SOX5: variants seen among roughly 807,000 people sequenced by gnomAD.
The protein encoded by SOX5 is transcription factor SOX-5.
A neutral mutation model predicts 92.0 loss-of-function variants in SOX5; 9 were observed. That is an observed-to-expected ratio of 0.10 (90% CI 0.06 to 0.17). The LOEUF is 0.17. Ranked by LOEUF, SOX5 falls within the 10% of genes least tolerant of loss-of-function variation. SOX5 has a pLI of 1.00. For missense variants in SOX5, 642 were observed against 944.5 expected, an observed-to-expected ratio of 0.68 and a Z score of 4.20; for synonymous variants, 344 against 336.3, an observed-to-expected ratio of 1.02 and a Z score of -0.25.
At chr12:23,998,229 C>T (rs1430022764) in intron 4 of SOX5, among the ~76,000 whole-genome samples, 1 of 151,836 alleles carries the variant, frequency 6.6e-6, no homozygotes, top group African/African-American at 2.4e-5. Context: ...ATCAAACATA[C>T]ATCAATACAA....
chr12:24,223,408 T>C (rs1462099542), intron 3 of SOX5: 1 of 152,158 alleles, frequency 6.6e-6, no homozygotes, highest in Non-Finnish European at 1.5e-5. Flanking sequence ...TATCTCAAGA[T>C]TTCTTATTAA....
At chr12:23,803,077 T>C (rs1200319787) in intron 3 of SOX5, among the ~76,000 whole-genome samples, 1 of 152,220 alleles carries the variant, frequency 6.6e-6, no homozygotes. Context: ...AGAATTAGCT[T>C]CTCTACAAGA....
chr12:24,553,042 A>G (rs1432682052), intron 1 of SOX5, among the ~76,000 whole-genome samples: 1 of 152,194 alleles, frequency 6.6e-6, no homozygotes, highest in African/African-American at 2.4e-5. Flanking sequence ...AAAAAATAAG[A>G]AAAAGTATAA....
At chr12:23,889,712 G>C (rs550231659) in intron 2 of SOX5, among the ~76,000 whole-genome samples, 1 of 152,076 alleles carries the variant, frequency 6.6e-6, no homozygotes, top group Non-Finnish European at 1.5e-5. Context: ...TTAAAAGACA[G>C]TTTTTTCTTC....
intron 2 of SOX5, among the ~76,000 whole-genome samples, chr12:24,308,745 C>A (rs747971761): frequency 6.6e-6 from 1 of 152,154 alleles, no homozygotes; most frequent in Non-Finnish European, 1.5e-5. Flanking sequence ...CCCATAGACT[C>A]CCAGTGGCAA....
intron 1 of SOX5, among the ~76,000 whole-genome samples, chr12:24,401,835 A>G (rs936857952): frequency 6.6e-6 from 1 of 152,042 alleles, no homozygotes; most frequent in Non-Finnish European, 1.5e-5. Context: ...AGCCCTTTTC[A>G]AAAAAAGTTT....
At chr12:24,224,875 G>C (rs1961515702) in intron 3 of SOX5, among the ~76,000 whole-genome samples, 1 of 152,080 alleles carries the variant, frequency 6.6e-6, no homozygotes, top group South Asian at 2.1e-4. Flanking sequence ...CCCACACAGA[G>C]GCTACATAGG....
At chr12:23,551,188 G>A (rs1339364179) in intron 11 of SOX5, among the ~76,000 whole-genome samples, 2 of 151,836 alleles carry the variant, frequency 1.3e-5, no homozygotes, top group Non-Finnish European at 2.9e-5. Context: ...CTTCTTTATG[G>A]TCTTCTACTA....
At chr12:23,806,544 G>T (rs770065977) in intron 3 of SOX5, among the ~76,000 whole-genome samples, 1 of 146,990 alleles carries the variant, frequency 6.8e-6, no homozygotes, top group Non-Finnish European at 1.5e-5. Flanking sequence ...CAAAGACTGA[G>T]GTGCTATTTT....
chr12:24,483,378 A>G (rs548407409), intron 1 of SOX5, among the ~76,000 whole-genome samples: 1 of 152,302 alleles, frequency 6.6e-6, no homozygotes, highest in African/African-American at 2.4e-5. Context: ...CACCCCAGAA[A>G]CTAAACCTTG....
intron 3 of SOX5, among the ~76,000 whole-genome samples, chr12:23,773,901 A>G (rs75279229): frequency 6.6e-6 from 1 of 152,250 alleles, no homozygotes; most frequent in East Asian, 1.9e-4. Flanking sequence ...TATCAAAGGT[A>G]TAATAGTAGA....
intron 1 of SOX5, among the ~76,000 whole-genome samples, chr12:24,515,275 C>T (rs550566793): frequency 6.6e-6 from 1 of 152,286 alleles, no homozygotes; most frequent in African/African-American, 2.4e-5. Context: ...TATTGAATCA[C>T]AGTTTTCTCA....
At chr12:24,486,143 C>T (rs563151632) in intron 1 of SOX5, among the ~76,000 whole-genome samples, 5 of 152,214 alleles carry the variant, frequency 3.3e-5, no homozygotes, top group African/African-American at 1.2e-4. Flanking sequence ...TTCTGCGTTG[C>T]CCAGGCCAGT....
At chr12:24,439,584 A>G (rs767218940) in intron 1 of SOX5, among the ~76,000 whole-genome samples, 4 of 152,206 alleles carry the variant, frequency 2.6e-5, no homozygotes, top group Non-Finnish European at 4.4e-5. Flanking sequence ...AATTTTTTGA[A>G]GACCAAAATT....
intron 3 of SOX5, among the ~76,000 whole-genome samples, chr12:23,802,721 C>T (rs1215873422): frequency 1.3e-5 from 2 of 152,190 alleles, no homozygotes; most frequent in Non-Finnish European, 1.5e-5. Flanking sequence ...CATTTCAATA[C>T]AATCCATATA....
intron 10 of SOX5, among the ~76,000 whole-genome samples, chr12:23,573,131 C>T (rs1948621105): frequency 6.6e-6 from 1 of 152,094 alleles, no homozygotes; most frequent in Non-Finnish European, 1.5e-5. Flanking sequence ...ATGTCTTTTG[C>T]ACTTTTTCAT....
At chr12:24,186,184 CA>C (rs1260580109) in intron 4 of SOX5, among the ~76,000 whole-genome samples, 5 of 151,832 alleles carry the variant, frequency 3.3e-5, no homozygotes, top group African/African-American at 1.2e-4. Context: ...ACAAAACCAA[CA>C]AAAAAACAAC....
intron 6 of SOX5, among the ~76,000 whole-genome samples, chr12:23,695,679 C>A (rs150891749): frequency 6.6e-6 from 1 of 152,012 alleles, no homozygotes; most frequent in African/African-American, 2.4e-5. Flanking sequence ...CAGTGGCTCA[C>A]GCCTGTAATC....
At chr12:24,451,167 TACC>T (rs1349388951) in intron 1 of SOX5, among the ~76,000 whole-genome samples, 1 of 152,258 alleles carries the variant, frequency 6.6e-6, no homozygotes, top group Non-Finnish European at 1.5e-5. Flanking sequence ...TGTGTATAAG[TACC>T]ACATTTTCTT....
Sources: allele counts gnomAD v4.1 joint callset (sites outside exome capture counted in the v4.1 genomes callset), GRCh38; gene constraint gnomAD v4.1.1; transcripts MANE v1.5; gene names NCBI Gene and HGNC (gene_info 2026-07-23, HGNC 2026-07-21).